KIAA0319L: variants seen among roughly 807,000 people sequenced by gnomAD.
KIAA0319L encodes the protein dyslexia-associated protein KIAA0319-like protein.
In KIAA0319L, 55 loss-of-function variants were observed where a neutral mutation model predicts 120.1. That is an observed-to-expected ratio of 0.46 (90% CI 0.37 to 0.57). The LOEUF is 0.57. KIAA0319L is among the 20% of genes least tolerant of loss of function. KIAA0319L has a pLI of 0.00. For synonymous variants in KIAA0319L, 398 were observed against 471.9 expected (o/e 0.84, Z 2.03); for missense variants, 1,049 against 1,255.3 (o/e 0.84, Z 2.48).
At chr1:35,538,714 C>A (rs1333590238) in intron 2 of KIAA0319L, among the ~76,000 whole-genome samples, 1 of 151,902 alleles carries the variant, frequency 6.6e-6, no homozygotes, top group Non-Finnish European at 1.5e-5. Context: ...TAAGTCAACA[C>A]CATAATGTGG....
intron 20 of KIAA0319L, chr1:35,440,840 G>C: frequency 5.2e-6 from 3 of 576,896 alleles, no homozygotes; most frequent in Non-Finnish European, 9.3e-6. Context: ...CCGCCAAGCG[G>C]AAGTAGCACG....
rs114520916 is a variant in KIAA0319L at position 35,511,698 on chromosome 1, C to T, written c.143-4563G>A. Among the ~76,000 whole-genome samples, 1,057 of 152,314 alleles carry T rather than the reference C, an allele frequency of 6.9e-3. 6 individuals are homozygous for T. Among genetic ancestry groups the T allele is most frequent in the Non-Finnish European group, 0.011 (753 of 68,034 alleles). On this transcript the variant is annotated intron_variant, in intron 2 of 20. Transcript: ENST00000325722. ...AGATATTTAATAAGTGCACCGCTAT[C>T]TAGAAGCCTTCTCATTTGTAAGGAT...
intron 2 of KIAA0319L, among the ~76,000 whole-genome samples, chr1:35,545,756 G>A (rs964786875): frequency 3.9e-5 from 6 of 152,098 alleles, no homozygotes; most frequent in Non-Finnish European, 7.4e-5. Flanking sequence ...TTAGCCGGGC[G>A]TGGTGGCAGG....
chr1:35,479,842 G>A (rs1296707397), intron 3 of KIAA0319L, among the ~76,000 whole-genome samples: 9 of 150,144 alleles, frequency 6.0e-5, no homozygotes, highest in Admixed American at 1.3e-4. Context: ...GGTCAAGGCC[G>A]CAGTGAACTG....
chr1:35,512,306 G>GA (rs1344211250), intron 2 of KIAA0319L, among the ~76,000 whole-genome samples: 4 of 107,632 alleles, frequency 3.7e-5, no homozygotes, highest in African/African-American at 1.5e-4. Flanking sequence ...AAAAGATCTG[G>GA]AAAAATAAAA....
At chr1:35,500,936 C>T (rs930622380) in intron 3 of KIAA0319L, among the ~76,000 whole-genome samples, 1 of 151,948 alleles carries the variant, frequency 6.6e-6, no homozygotes, top group East Asian at 1.9e-4. Flanking sequence ...TTTCACTTTG[C>T]CCCATTTTTT....
chr1:35,465,760 A>G (rs1427284394), intron 7 of KIAA0319L, among the ~76,000 whole-genome samples: 4 of 152,178 alleles, frequency 2.6e-5, no homozygotes, highest in Admixed American at 2.6e-4. Context: ...GGAGGAACCC[A>G]GTGGGAGGAA....
chr1:35,554,102 AC>A (rs936384093), intron 2 of KIAA0319L, among the ~76,000 whole-genome samples: 1 of 152,208 alleles, frequency 6.6e-6, no homozygotes, highest in African/African-American at 2.4e-5. Context: ...TACCCAGTTG[AC>A]TTTTATCAAG....
In KIAA0319L at chr1:35,506,704, G is replaced by A; in HGVS notation, c.574C>T (p.Pro192Ser). The change falls in exon 3 of 21, where the codon CCC becomes TCC. Residue 192 changes from proline to serine, a missense_variant. Coordinates refer to ENST00000325722, the MANE Select transcript of KIAA0319L (RefSeq NM_024874.5). The surrounding 1 kb of genome is among the most constrained non-coding windows in gnomAD (Gnocchi z 4.0). ...LIRKLQKRGS[P>S]SDVVTPIVTQ... ...ACTATAGGTGTAACTACGTCACTGG[G>A]ACTACCTCTCTTCTGAAGCTTCCTG... 1 of 1,614,128 alleles carries A rather than the reference G, an allele frequency of 6.2e-7. No homozygotes were observed. The highest frequency in any genetic ancestry group is 8.5e-7 in the Non-Finnish European group (1 of 1,180,016).
In KIAA0319L at chr1:35,453,665, T is replaced by A; in HGVS notation, c.1805A>T (p.Asp602Val). ...QPENNKPPQADAGPDKELTLP... is the reference protein window; with the variant it reads ...QPENNKPPQAVAGPDKELTLP... ...GGTCAGCTCTTTATCTGGGCCTGCA[T>A]CTGCCTGAGGAGGCTTATTGTTTTC... Residue 602 changes from aspartate to valine, a missense_variant, in exon 12 of 21, where the codon GAT (aspartate) becomes GTT (valine). By Grantham distance (152) the Asp-to-Val change is radical. Coordinates refer to ENST00000325722, the MANE Select transcript of KIAA0319L (RefSeq NM_024874.5). The surrounding 1 kb of genome is among the most constrained non-coding windows in gnomAD (Gnocchi z 4.1). The A allele has an allele frequency of 6.2e-7, 1 of 1,613,910 alleles. No individual in the cohort carries two copies. The highest frequency in any genetic ancestry group is 8.5e-7 in the Non-Finnish European group (1 of 1,179,872).
At chr1:35,528,999 G>A (rs2148463380) in intron 2 of KIAA0319L, among the ~76,000 whole-genome samples, 1 of 152,160 alleles carries the variant, frequency 6.6e-6, no homozygotes, top group South Asian at 2.1e-4. Context: ...ATCTTTACAA[G>A]TAAAGTGAGT....
chr1:35,483,510 C>T (rs1260553973), intron 3 of KIAA0319L, among the ~76,000 whole-genome samples: 1 of 152,204 alleles, frequency 6.6e-6, no homozygotes, highest in African/African-American at 2.4e-5. Flanking sequence ...CCCCACTGAA[C>T]TGCACTGGCA....
intron 4 of KIAA0319L, among the ~76,000 whole-genome samples, chr1:35,478,447 G>C (rs999740614): frequency 2.6e-5 from 4 of 152,072 alleles, no homozygotes; most frequent in African/African-American, 9.7e-5. Flanking sequence ...AAGGATAAAG[G>C]CTTGAAGGGA....
At chr1:35,473,687 T>C (rs1452525192) in intron 5 of KIAA0319L, among the ~76,000 whole-genome samples, 2 of 152,146 alleles carry the variant, frequency 1.3e-5, no homozygotes, top group Non-Finnish European at 2.9e-5. Context: ...AGAGCAGAAA[T>C]ATAGAACAGA....
At chr1:35,461,060 A>G (rs960483069) in intron 8 of KIAA0319L, among the ~76,000 whole-genome samples, 2 of 152,356 alleles carry the variant, frequency 1.3e-5, no homozygotes, top group African/African-American at 4.8e-5. Flanking sequence ...TCATCAATAG[A>G]GATTGACTGA....
intron 2 of KIAA0319L, among the ~76,000 whole-genome samples, chr1:35,522,871 T>C (rs1463029546): frequency 2.0e-5 from 3 of 151,318 alleles, no homozygotes; most frequent in East Asian, 2.0e-4. Context: ...CAAAAAAAAT[T>C]AGCCGGGCGT....
intron 12 of KIAA0319L, among the ~76,000 whole-genome samples, chr1:35,452,360 G>C (rs1642125924): frequency 6.6e-6 from 1 of 152,176 alleles, no homozygotes; most frequent in Admixed American, 6.5e-5. Flanking sequence ...CTTCCCCCTT[G>C]TGGCCTCAGA....
intron 2 of KIAA0319L, among the ~76,000 whole-genome samples, chr1:35,553,700 C>T (rs936309136): frequency 1.6e-5 from 2 of 128,538 alleles, no homozygotes; most frequent in African/African-American, 6.4e-5. Context: ...ACAATATCAA[C>T]AAAAGAACTT....
chr1:35,454,298 CT>C, intron 11 of KIAA0319L, 63 bp downstream of exon 11: 1 of 1,589,252 alleles, frequency 6.3e-7, no homozygotes, highest in Admixed American at 1.7e-5. Context: ...ACCCAACACT[CT>C]TTTCCCCCAA....
Sources: allele counts gnomAD v4.1 joint callset (sites outside exome capture counted in the v4.1 genomes callset), GRCh38; gene constraint gnomAD v4.1.1; non-coding constraint Gnocchi (gnomAD v3.1); transcripts MANE v1.5; gene names NCBI Gene and HGNC (gene_info 2026-07-23, HGNC 2026-07-21).